KIAA1191: variants seen among roughly 807,000 people sequenced by gnomAD.
The protein encoded by KIAA1191 is putative monooxygenase p33MONOX.
A neutral mutation model predicts 31.1 loss-of-function variants in KIAA1191; 22 were observed. The observed-to-expected ratio is 0.71, with a 90% CI of 0.51 to 1.01. The LOEUF (loss-of-function observed/expected upper bound fraction) is 1.01, where lower values mean the gene tolerates loss of function less well. Ranked by LOEUF, KIAA1191 falls within the 50% of genes least tolerant of loss-of-function variation. The pLI, the probability that KIAA1191 is intolerant of heterozygous loss-of-function variation, is 0.00. For missense variants in KIAA1191, 319 were observed against 388.0 expected, an observed-to-expected ratio of 0.82 and a Z score of 1.49; for synonymous variants, 130 against 143.9, an observed-to-expected ratio of 0.90 and a Z score of 0.69.
At position 176,360,528 on chromosome 5, in the gene KIAA1191, C is replaced by G. The variant is rs191296970; in HGVS notation, c.-167-610G>C. Among the ~76,000 whole-genome samples the G allele has an allele frequency of 6.8e-4, 100 of 147,540 alleles. 1 individual carries two copies. The East Asian group carries it at 0.02, about 29-fold the overall frequency. On this transcript the variant is annotated intron_variant, in intron 1 of 8. Coordinates refer to ENST00000298569, the MANE Select transcript of KIAA1191 (RefSeq NM_020444.5). ...TAAAGAGAAGGAAACTGGCCGGGTGCGGTGGCTCACGCCTGTAATCCCAGC... is the reference window on the plus strand; with the variant it reads ...TAAAGAGAAGGAAACTGGCCGGGTGGGGTGGCTCACGCCTGTAATCCCAGC...
In KIAA1191 at chr5:176,350,566, C is replaced by T. The variant is rs144033042; in HGVS notation, c.459+47G>A. Reference sequence around the variant, plus strand: ...TTCAAAACCACAGCCACATTTCAAGCCATGAACACTGAAGGTTTTGTTTTT... The same window carrying T: ...TTCAAAACCACAGCCACATTTCAAGTCATGAACACTGAAGGTTTTGTTTTT... On this transcript the variant is annotated intron_variant, in intron 6 of 8. Coordinates refer to ENST00000298569, the MANE Select transcript of KIAA1191 (RefSeq NM_020444.5). 323 of 1,602,100 alleles carry T rather than the reference C, an allele frequency of 2.0e-4. 3 individuals are homozygous for T. The East Asian group carries it at 6.7e-3, about 33-fold the overall frequency.
At chr5:176,354,225 CAGAG>C (rs970379305) in intron 4 of KIAA1191, 6 of 152,264 alleles carry the variant, frequency 3.9e-5, no homozygotes, top group Admixed American at 6.5e-5. Flanking sequence ...TCCCAACTCT[CAGAG>C]AGAGACACTG....
chr5:176,356,474 G>T (rs1767516496), intron 3 of KIAA1191, among the ~76,000 whole-genome samples: 1 of 152,134 alleles, frequency 6.6e-6, no homozygotes, highest in Non-Finnish European at 1.5e-5. Flanking sequence ...GAAAACACCA[G>T]CACTAACAGA....
At position 176,350,763 on chromosome 5, in the gene KIAA1191, T is replaced by C. The variant is rs140869644; in HGVS notation, c.335-26A>G. ...CTGGGAACAGAGGAGATGACAGTCA[T>C]GCCCATTCCCCTCTCCCATCACAAA... On this transcript the variant is annotated intron_variant, in intron 5 of 8. Coordinates refer to ENST00000298569, the MANE Select transcript of KIAA1191 (RefSeq NM_020444.5). 2.8e-3 allele frequency: 4,437 copies of C among 1,612,344 alleles called. 18 individuals carry two copies. Among genetic ancestry groups the C allele is most frequent in the Middle Eastern group, 7.8e-3 (47 of 6,050 alleles).
intron 3 of KIAA1191, among the ~76,000 whole-genome samples, chr5:176,356,611 G>A (rs1304929733): frequency 6.6e-6 from 1 of 152,184 alleles, no homozygotes; most frequent in Non-Finnish European, 1.5e-5. Context: ...CACTGGAACT[G>A]ACGCCCAGCA....
chr5:176,357,342 C>T (rs1181232456), intron 3 of KIAA1191: 4 of 152,026 alleles, frequency 2.6e-5, no homozygotes, highest in African/African-American at 9.7e-5. Context: ...TGCAATTGAT[C>T]GTAGTGTTGT....
intron 3 of KIAA1191, among the ~76,000 whole-genome samples, chr5:176,358,839 C>T (rs1380209549): frequency 2.6e-5 from 4 of 152,110 alleles, no homozygotes; most frequent in East Asian, 1.9e-4. Flanking sequence ...AATCCCATTA[C>T]CTTGGGAGGC....
At chr5:176,360,153 A>AT (rs200839926) in intron 1 of KIAA1191, among the ~76,000 whole-genome samples, 20,475 of 123,112 alleles carry the variant, frequency 0.17, 2,141 homozygotes, top group Middle Eastern at 0.2. Flanking sequence ...CCCAATCCCA[A>AT]TTTTTTTTTT....
In KIAA1191 at chr5:176,355,981, T is replaced by A. The variant is rs1048181742; in HGVS notation, c.29-232A>T. Reference sequence around the variant, plus strand: ...CACTCAGCCGTCCTAATCCTTTTTTTTTATTATTTGTTTAGAGACACAGTC... The same window carrying A: ...CACTCAGCCGTCCTAATCCTTTTTTATTATTATTTGTTTAGAGACACAGTC... On this transcript the variant is annotated intron_variant, in intron 3 of 8. Coordinates refer to ENST00000298569, the MANE Select transcript of KIAA1191 (RefSeq NM_020444.5). The surrounding 1 kb of genome is among the most constrained non-coding windows in gnomAD (Gnocchi z 4.2). The A allele has an allele frequency of 2.2e-5, 11 of 503,862 alleles. No individual in the cohort carries two copies. The highest frequency in any genetic ancestry group is 1.4e-4 in the African/African-American group (7 of 51,502). The allele number at this position is 503,862 out of a possible 1,614,324, so 31.2% of individuals were successfully genotyped here.
At position 176,355,832 on chromosome 5, in the gene KIAA1191, C is replaced by A; in HGVS notation, c.29-83G>T. 1 of 1,346,966 alleles carries A rather than the reference C, an allele frequency of 7.4e-7. No homozygotes were observed. The highest frequency in any genetic ancestry group is 1.4e-5 in the African/African-American group (1 of 69,484). 83.4% of individuals were successfully genotyped at this position (1,346,966 alleles called of 1,614,324 possible). Reference sequence around the variant, plus strand: ...AAATTAATCTACAGGAAGGAAAGCTCTGAAATACTCTTGTTCTTGAACAGA... The same window carrying A: ...AAATTAATCTACAGGAAGGAAAGCTATGAAATACTCTTGTTCTTGAACAGA... On this transcript the variant is annotated intron_variant, in intron 3 of 8. Transcript: ENST00000298569. This position sits in a 1 kb window ranked among gnomAD's most constrained non-coding sequence, Gnocchi z 4.2.
chr5:176,355,548 A>G lies in KIAA1191; in HGVS notation c.207+23T>C. 6.3e-7 allele frequency: 1 copy of G among 1,598,528 alleles called. No individual in the cohort carries two copies. On this transcript the variant is annotated intron_variant, in intron 4 of 8. Transcript: ENST00000298569. This position sits in a 1 kb window ranked among gnomAD's most constrained non-coding sequence, Gnocchi z 4.2. ...AGGACAAAGGGGTTGCGTATGCCAG[A>G]AATGGCCAGCAGGGTCAGATACCTT...
chr5:176,358,732 C>T (rs1166438134), intron 3 of KIAA1191, among the ~76,000 whole-genome samples: 2 of 151,510 alleles, frequency 1.3e-5, no homozygotes, highest in Admixed American at 6.6e-5. Context: ...ACTGGCTGGG[C>T]GTGGTGGCTC....
At chr5:176,359,249 G>A (rs1767780305) in intron 3 of KIAA1191, among the ~76,000 whole-genome samples, 1 of 152,062 alleles carries the variant, frequency 6.6e-6, no homozygotes, top group Admixed American at 6.5e-5. Flanking sequence ...AACCCAGGAA[G>A]CGGAGGTAGC....
Position 176,350,706 on chromosome 5 carries a change from C to G in KIAA1191, c.366G>C (p.Glu122Asp). Residue 122 changes from glutamate to aspartate, a missense_variant, in exon 6 of 9, where the codon GAG (glutamate) becomes GAC (aspartate). Transcript: ENST00000298569. ...KQTQESIQHFERQAGLRDAGY... is the reference protein window; with the variant it reads ...KQTQESIQHFDRQAGLRDAGY... ...CAGCATCTCTCAGCCCTGCCTGTCGCTCAAAATGCTGAATGCTTTCCTGGG... is the reference window on the plus strand; with the variant it reads ...CAGCATCTCTCAGCCCTGCCTGTCGGTCAAAATGCTGAATGCTTTCCTGGG... 3 of 1,614,150 alleles carry G rather than the reference C, an allele frequency of 1.9e-6. No individual in the cohort carries two copies. In the South Asian group the frequency reaches 3.3e-5, roughly 18 times the overall value.
intron 3 of KIAA1191, among the ~76,000 whole-genome samples, chr5:176,357,735 A>T (rs1056822755): frequency 6.6e-6 from 1 of 152,218 alleles, no homozygotes; most frequent in Non-Finnish European, 1.5e-5. Flanking sequence ...ACAATGAAAG[A>T]CAAACTAAAA....
rs748222674 is a variant in KIAA1191, at chr5:176,348,297, C to G, written c.519G>C (p.Gln173His). Reference sequence around the variant, plus strand: ...AGTGCGGAGTGGTGCTTGGGGTGGACTGGGCTGATGCAGGCTGCCTCTCTT... The same window carrying G: ...AGTGCGGAGTGGTGCTTGGGGTGGAGTGGGCTGATGCAGGCTGCCTCTCTT... ...TKEERQPASAQSTPSTTPHSS... is the reference protein window; with the variant it reads ...TKEERQPASAHSTPSTTPHSS... The change falls in exon 7 of 9, where the codon CAG becomes CAC. Residue 173 changes from glutamine to histidine, a missense_variant. Transcript: ENST00000298569. The G allele has an allele frequency of 3.1e-6, 5 of 1,613,830 alleles. No homozygotes were observed. Among genetic ancestry groups the G allele is most frequent in the Non-Finnish European group, 3.4e-6 (4 of 1,179,984 alleles).
At chr5:176,348,799 T>C (rs1766740588) in intron 6 of KIAA1191, among the ~76,000 whole-genome samples, 1 of 152,022 alleles carries the variant, frequency 6.6e-6, no homozygotes, top group Non-Finnish European at 1.5e-5. Flanking sequence ...GCATGCTGCT[T>C]CTCTCCAGCT....
Position 176,352,677 on chromosome 5 carries a change from C to G in KIAA1191, c.279G>C (p.Lys93Asn), listed in dbSNP as rs1370785029. The G allele has an allele frequency of 6.2e-7, 1 of 1,613,990 alleles. No individual in the cohort carries two copies. The highest frequency in any genetic ancestry group is 1.3e-5 in the African/African-American group (1 of 75,020). ...TAGCTTTAGCCTTCACCACTGGGAC[C>G]TTGTCCACACTGTCAATGGCTGATG... The part of the protein sequence containing the change: ...TLSSAIDSVD[K>N]VPVVKAKATH... The change falls in exon 5 of 9, where the codon AAG (lysine) becomes AAC (asparagine). Residue 93 changes from lysine to asparagine, a missense_variant. Transcript: ENST00000298569.
Position 176,346,077 on chromosome 5 carries a change from A to C in KIAA1191, c.*1523T>G, listed in dbSNP as rs963626912. On this transcript the variant is annotated 3_prime_UTR_variant, in exon 9 of 9. Transcript: ENST00000298569. ...AATAGCCACATTTGAGAAAGTAGTAAGGATTTTTATTGTCAAAACGAGATC... is the reference window on the plus strand; with the variant it reads ...AATAGCCACATTTGAGAAAGTAGTACGGATTTTTATTGTCAAAACGAGATC... 4 of 152,238 alleles carry C rather than the reference A, an allele frequency of 2.6e-5. No homozygotes were observed. The highest frequency in any genetic ancestry group is 4.8e-5 in the African/African-American group (2 of 41,464). The allele number at this position is 152,238 out of a possible 1,614,324, so 9.4% of individuals were successfully genotyped here. A position where few individuals can be genotyped will look rare whatever the true frequency, so the allele number is the denominator to read the frequency against.
Sources: allele counts gnomAD v4.1 joint callset (sites outside exome capture counted in the v4.1 genomes callset), GRCh38; gene constraint gnomAD v4.1.1; non-coding constraint Gnocchi (gnomAD v3.1); transcripts MANE v1.5; gene names NCBI Gene and HGNC (gene_info 2026-07-23, HGNC 2026-07-21).